The following KLHL35 variants were observed in gnomAD, a reference collection of about 807,000 sequenced individuals.
KLHL35 encodes the protein kelch like family member 35.
KLHL35 carries 50 observed loss-of-function variants against 44.0 expected under a neutral mutation model. The ratio of observed to expected loss-of-function variants is 1.14; its 90% CI spans 0.91 to 1.44. KLHL35 has a LOEUF of 1.44. Among genes scored for constraint, KLHL35 ranks in the 40% most tolerant of loss-of-function variants. KLHL35 has a pLI of 0.00. For missense variants in KLHL35, 1,049 were observed against 887.8 expected, an observed-to-expected ratio of 1.18 and a Z score of -2.31; for synonymous variants, 470 against 410.4, an observed-to-expected ratio of 1.15 and a Z score of -1.76.
chr11:75,425,605 G>A (rs1948484541), intron 4 of KLHL35, 24 bp from the exon 5 acceptor site: 1 of 1,449,108 alleles, frequency 6.9e-7, no homozygotes, highest in Non-Finnish European at 9.0e-7. Flanking sequence ...CATGGGCCGG[G>A]GAGCCGGGTG....
chr11:75,432,051 AGACT>A (rs1948541491), intron 1 of KLHL35, among the ~76,000 whole-genome samples: 2 of 152,190 alleles, frequency 1.3e-5, no homozygotes, highest in Non-Finnish European at 1.5e-5. Context: ...GGCGCTCTGC[AGACT>A]GAGGGGCTGG....
chr11:75,432,105 C>T (rs141894193), intron 1 of KLHL35, among the ~76,000 whole-genome samples: 95 of 152,282 alleles, frequency 6.2e-4, no homozygotes, highest in African/African-American at 2.0e-3. Context: ...AACACAAAAC[C>T]TCTGCTTGCA....
At chr11:75,427,963 T>C (rs1421003678) in intron 3 of KLHL35, among the ~76,000 whole-genome samples, 2 of 152,246 alleles carry the variant, frequency 1.3e-5, no homozygotes, top group Non-Finnish European at 2.9e-5. Context: ...CTGTGTTTTA[T>C]GCTTCTCTGA....
In KLHL35 at chr11:75,422,429, C is replaced by G; in HGVS notation, c.*151G>C. The G allele has an allele frequency of 1.5e-6, 1 of 689,500 alleles. No homozygotes were observed. Among genetic ancestry groups the G allele is most frequent in the Non-Finnish European group, 2.4e-6 (1 of 419,342 alleles). The allele number at this position is 689,500 out of a possible 1,614,324, so 42.7% of individuals were successfully genotyped here. On this transcript the variant is annotated 3_prime_UTR_variant, in exon 7 of 7. Coordinates refer to ENST00000539798, the MANE Select transcript of KLHL35 (RefSeq NM_001039548.3). ...CATCTCCAGGCAGGGCAGACTGCAGCTGGAACACAGACCCAACAAGATTTT... is the reference window on the plus strand; with the variant it reads ...CATCTCCAGGCAGGGCAGACTGCAGGTGGAACACAGACCCAACAAGATTTT...
rs775554068 is a variant in KLHL35, at chr11:75,430,218, G to A, written c.412C>T (p.Leu138=). The part of the protein sequence containing the change: ...ALAERLGVAG[L]REACVRFLEG... Reference sequence around the variant, plus strand: ...AGAAAGCGCACGCAGGCCTCGCGCAGGCCCGCCACGCCCAGCCGCTCCGCC... The same window carrying A: ...AGAAAGCGCACGCAGGCCTCGCGCAAGCCCGCCACGCCCAGCCGCTCCGCC... Residue 138 remains leucine (L), a synonymous_variant, in exon 2 of 7, where the codon CTG becomes TTG. Transcript: ENST00000539798. The A allele has an allele frequency of 3.8e-5, 47 of 1,225,770 alleles. No homozygotes were observed. In the African/African-American group the frequency reaches 7.1e-4, roughly 18 times the overall value. The allele number at this position is 1,225,770 out of a possible 1,614,324, so 75.9% of individuals were successfully genotyped here.
intron 4 of KLHL35, chr11:75,425,986 CG>C (rs1269384841): frequency 6.2e-6 from 1 of 161,630 alleles, no homozygotes; most frequent in Non-Finnish European, 1.3e-5. Flanking sequence ...GACAAAGTCT[CG>C]CTCTGTTGCC....
intron 6 of KLHL35, chr11:75,423,426 A>T: frequency 2.3e-6 from 1 of 440,710 alleles, no homozygotes; most frequent in South Asian, 3.6e-5. Context: ...TTTGGACCAA[A>T]TCCCCACTCA....
rs1397914067 is a variant in KLHL35, at chr11:75,430,130, A to T, written c.500T>A (p.Leu167Gln). 3 of 1,264,336 alleles carry T rather than the reference A, an allele frequency of 2.4e-6. No individual in the cohort carries two copies. Among genetic ancestry groups the T allele is most frequent in the Middle Eastern group, 3.1e-4 (1 of 3,238 alleles). The allele number at this position is 1,264,336 out of a possible 1,614,324, so 78.3% of individuals were successfully genotyped here. A position where few individuals can be genotyped will look rare whatever the true frequency, so the allele number is the denominator to read the frequency against. The change falls in exon 2 of 7, where the codon CTG becomes CAG. Residue 167 changes from leucine (L) to glutamine (Q), a missense_variant. Coordinates refer to ENST00000539798, the MANE Select transcript of KLHL35 (RefSeq NM_001039548.3). The part of the protein sequence containing the change: ...ALRRVAAAFS[L>Q]APLAERCGRV... Reference sequence around the variant, plus strand: ...GCCGCAGCGCTCGGCCAGCGGGGCCAGCGAGAAGGCGGCGGCCACGCGGCG... The same window carrying T: ...GCCGCAGCGCTCGGCCAGCGGGGCCTGCGAGAAGGCGGCGGCCACGCGGCG...
At position 75,422,497 on chromosome 11, in the gene KLHL35, G is replaced by C; in HGVS notation, c.*83C>G. 7.7e-7 allele frequency: 1 copy of C among 1,305,892 alleles called. No individual in the cohort carries two copies. The highest frequency in any genetic ancestry group is 1.1e-6 in the Non-Finnish European group (1 of 928,508). 80.9% of individuals were successfully genotyped at this position (1,305,892 alleles called of 1,614,324 possible). A position where few individuals can be genotyped will look rare whatever the true frequency, so the allele number is the denominator to read the frequency against. On this transcript the variant is annotated 3_prime_UTR_variant, in exon 7 of 7. Transcript: ENST00000539798. ...GACCATTAAGTTAAGGGCTGTTTGC[G>C]TGGAGGTGCCATGAGGGAGCAGAGT...
At chr11:75,431,143 C>G (rs908838656) in intron 1 of KLHL35, among the ~76,000 whole-genome samples, 6 of 152,096 alleles carry the variant, frequency 3.9e-5, no homozygotes, top group African/African-American at 1.4e-4. Flanking sequence ...CTCAGGCTGC[C>G]CCACAGAGAC....
intron 1 of KLHL35, among the ~76,000 whole-genome samples, 153 bp downstream of exon 1, chr11:75,432,890 G>A (rs1261179217): frequency 6.6e-6 from 1 of 152,118 alleles, no homozygotes; most frequent in Non-Finnish European, 1.5e-5. Flanking sequence ...AAGCTGACTC[G>A]AACATGCCAC....
chr11:75,432,299 C>T (rs1385765058), intron 1 of KLHL35, among the ~76,000 whole-genome samples: 1 of 152,190 alleles, frequency 6.6e-6, no homozygotes, highest in African/African-American at 2.4e-5. Context: ...CAGCGGATCC[C>T]CTGGTCAGCA....
chr11:75,428,047 C>T (rs144075186), intron 3 of KLHL35, among the ~76,000 whole-genome samples: 1 of 152,296 alleles, frequency 6.6e-6, no homozygotes, highest in East Asian at 1.9e-4. Flanking sequence ...CCTAGCTTTG[C>T]CATTTTTGAG....
Position 75,426,807 on chromosome 11 carries a change from A to G in KLHL35, c.1067-169T>C, listed in dbSNP as rs141105256. The G allele has an allele frequency of 1.3e-3, 645 of 514,980 alleles. 2 individuals are homozygous for G. Among genetic ancestry groups the G allele is most frequent in the African/African-American group, 0.011 (587 of 52,614 alleles). The allele number at this position is 514,980 out of a possible 1,614,324, so 31.9% of individuals were successfully genotyped here. A position where few individuals can be genotyped will look rare whatever the true frequency, so the allele number is the denominator to read the frequency against. On this transcript the variant is annotated intron_variant, in intron 3 of 6. Transcript: ENST00000539798. ...GGACCTGTGACCCAGTGTGCTTTGA[A>G]TAAGTGGTGGGAATGTCTGAGTTAC... is the stretch of plus-strand genomic sequence containing the variant.
chr11:75,429,609 TG>T, intron 2 of KLHL35, 139 bp downstream of exon 2: 1 of 1,106,956 alleles, frequency 9.0e-7, no homozygotes, highest in Non-Finnish European at 1.2e-6. Flanking sequence ...GGCAGAATTA[TG>T]GGCACCGAGC....
intron 6 of KLHL35, 200 bp downstream of exon 6, chr11:75,423,489 AGTT>A: frequency 1.7e-6 from 1 of 579,744 alleles, no homozygotes. Flanking sequence ...AACAGGGCCT[AGTT>A]GTTGGCCTGG....
chr11:75,422,758 C>G lies in KLHL35; in HGVS notation c.1574G>C (p.Gly525Ala), dbSNP rs776363889. Residue 525 changes from glycine (G) to alanine (A), a missense_variant, in exon 7 of 7, where the codon GGA becomes GCA. Transcript: ENST00000539798. ...GACCTTCCCGTCACACACAGTGACT[C>G]CACAGCTTTCCTGGGTGGACAAACA... ...AVLPSPVESC[G>A]VTVCDGKVHI... is the part of the protein sequence containing the mutation. 6.2e-7 allele frequency: 1 copy of G among 1,611,794 alleles called. No individual in the cohort carries two copies. The highest frequency in any genetic ancestry group is 8.5e-7 in the Non-Finnish European group (1 of 1,178,012).
Position 75,425,455 on chromosome 11 carries a change from A to ACGCCACCGC in KLHL35, c.1303_1311dup (p.Ala435_Ala437dup), listed in dbSNP as rs758256777. The stretch of plus-strand genomic sequence containing the variant: ...ATCACGAAGAGCTTGCCCGCGCAGG[A>ACGCCACCGC]CGCCACCGCCGCCGAGCTCACGGCC... On this transcript the variant is annotated inframe_insertion, in exon 5 of 7. Transcript: ENST00000539798. The ACGCCACCGC allele has an allele frequency of 9.5e-5, 149 of 1,571,624 alleles. No homozygotes were observed. The highest frequency in any genetic ancestry group is 1.2e-4 in the Non-Finnish European group (134 of 1,164,988).
Position 75,430,241 on chromosome 11 carries a change from G to A in KLHL35, c.389C>T (p.Ala130Val), listed in dbSNP as rs908877188. Residue 130 changes from alanine (A) to valine (V), a missense_variant, in exon 2 of 7, where the codon GCG (alanine) becomes GTG (valine). Coordinates refer to ENST00000539798, the MANE Select transcript of KLHL35 (RefSeq NM_001039548.3). ...CAGGCCCGCCACGCCCAGCCGCTCC[G>A]CCAGCGCCAGCACGGCCGCCGCCTC... ...EDEAAAVLAL[A>V]ERLGVAGLRE... is the part of the protein sequence containing the mutation. 6 of 1,215,436 alleles carry A rather than the reference G, an allele frequency of 4.9e-6. No individual in the cohort carries two copies. Among genetic ancestry groups the A allele is most frequent in the Admixed American group, 8.1e-5 (2 of 24,826 alleles). 75.3% of individuals were successfully genotyped at this position (1,215,436 alleles called of 1,614,324 possible).
Sources: allele counts gnomAD v4.1 joint callset (sites outside exome capture counted in the v4.1 genomes callset), GRCh38; gene constraint gnomAD v4.1.1; transcripts MANE v1.5; gene names NCBI Gene and HGNC (gene_info 2026-07-23, HGNC 2026-07-21).